LASP1: variants seen among roughly 807,000 people sequenced by gnomAD.
LASP1 encodes LIM and SH3 domain protein 1.
LASP1 carries 10 observed loss-of-function variants against 38.6 expected under a neutral mutation model. The ratio of observed to expected loss-of-function variants is 0.26; its 90% CI spans 0.16 to 0.44. LASP1 has a LOEUF of 0.44. LASP1 is among the 20% of genes least tolerant of loss of function. The pLI, the probability that LASP1 is intolerant of heterozygous loss-of-function variation, is 1.00. For synonymous variants in LASP1, 132 were observed against 140.8 expected, an observed-to-expected ratio of 0.94 and a Z score of 0.44; for missense variants, 243 against 375.7, an observed-to-expected ratio of 0.65 and a Z score of 2.92.
chr17:38,909,333 C>T lies in LASP1; in HGVS notation c.358-4992C>T, dbSNP rs147431787. Among the ~76,000 whole-genome samples, 296 of 152,258 alleles carry T rather than the reference C, an allele frequency of 1.9e-3. 1 individual carries two copies. The highest frequency in any genetic ancestry group is 6.9e-3 in the African/African-American group (285 of 41,548). Reference sequence around the variant, plus strand: ...TCTGGAAAGTGAAGAGGAGGCTGGGCACGGTGGCTCACGGCTGTAATCCCA... The same window carrying T: ...TCTGGAAAGTGAAGAGGAGGCTGGGTACGGTGGCTCACGGCTGTAATCCCA... On this transcript the variant is annotated intron_variant, in intron 4 of 6. Transcript: ENST00000318008.
At chr17:38,877,665 A>G (rs138011130) in intron 1 of LASP1, among the ~76,000 whole-genome samples, 1 of 152,150 alleles carries the variant, frequency 6.6e-6, no homozygotes, top group Non-Finnish European at 1.5e-5. Flanking sequence ...CCTTGGTGCC[A>G]CCAGAGGAGC....
At chr17:38,917,218 C>T (rs1915157092) in intron 6 of LASP1, among the ~76,000 whole-genome samples, 1 of 152,128 alleles carries the variant, frequency 6.6e-6, no homozygotes, top group African/African-American at 2.4e-5. Context: ...GGGAGTGGCT[C>T]AGCCCAAGAT....
At position 38,895,485 on chromosome 17, in the gene LASP1, T is replaced by A. The variant is rs150440302; in HGVS notation, c.250-2927T>A. On this transcript the variant is annotated intron_variant, in intron 3 of 6. Transcript: ENST00000318008. ...ACGCCCACCACGCCCGGCTAACTTT[T>A]TTTGTATTTTTTTTAGTAGAGATGG... Among the ~76,000 whole-genome samples, 1,479 of 152,112 alleles carry A rather than the reference T, an allele frequency of 9.7e-3. 20 individuals are homozygous for A. Among genetic ancestry groups the A allele is most frequent in the African/African-American group, 0.033 (1,385 of 41,484 alleles).
intron 3 of LASP1, among the ~76,000 whole-genome samples, chr17:38,896,255 G>A (rs1914488454): frequency 6.6e-6 from 1 of 151,660 alleles, no homozygotes; most frequent in African/African-American, 2.4e-5. Flanking sequence ...AGGGTCTGAA[G>A]GTGCTTTAAA....
Position 38,876,984 on chromosome 17 carries a change from G to C in LASP1, c.70-1102G>C, listed in dbSNP as rs1913799708. 2.6e-5 allele frequency among the ~76,000 whole-genome samples: 4 copies of C among 152,156 alleles called. No homozygotes were observed. The South Asian group carries it at 8.3e-4, about 32-fold the overall frequency. On this transcript the variant is annotated intron_variant, in intron 1 of 6. Coordinates refer to ENST00000318008, the MANE Select transcript of LASP1 (RefSeq NM_006148.4). ...TCCCAAAGTGCGGGATTACAGGCGT[G>C]AGCCACCGTGCCCGGCCGTGTCCCA...
intron 5 of LASP1, among the ~76,000 whole-genome samples, chr17:38,914,678 ACACAC>A (rs1309448631): frequency 3.3e-4 from 1 of 2,992 alleles, no homozygotes; most frequent in Non-Finnish European, 8.2e-4. Flanking sequence ...CGAGAGACAG[ACACAC>A]ACACACACAC....
chr17:38,914,739 A>T (rs1915064182), intron 5 of LASP1, among the ~76,000 whole-genome samples: 1 of 151,890 alleles, frequency 6.6e-6, no homozygotes, highest in South Asian at 2.1e-4. Context: ...CAGGCGAGGA[A>T]AAGACTGCTT....
chr17:38,897,574 ATTCC>A (rs942768112), intron 3 of LASP1, among the ~76,000 whole-genome samples: 1 of 152,142 alleles, frequency 6.6e-6, no homozygotes, highest in African/African-American at 2.4e-5. Context: ...TCATATTTCA[ATTCC>A]TTTCGTGCCA....
At chr17:38,902,673 C>T (rs1914678030) in intron 4 of LASP1, among the ~76,000 whole-genome samples, 1 of 151,930 alleles carries the variant, frequency 6.6e-6, no homozygotes, top group Non-Finnish European at 1.5e-5. Context: ...CCAAATGACT[C>T]CAGTTACTTT....
rs375155973 is a variant in LASP1, at chr17:38,900,973, G to A, written c.357+2454G>A. ...CAGAGCTCTCGGCTTGGAAAGTGGG[G>A]GAGGGGGAAGATGGTCTTAGATTAT... is the stretch of plus-strand genomic sequence containing the variant. On this transcript the variant is annotated intron_variant, in intron 4 of 6. Coordinates refer to ENST00000318008, the MANE Select transcript of LASP1 (RefSeq NM_006148.4). Among the ~76,000 whole-genome samples, 110 of 152,362 alleles carry A rather than the reference G, an allele frequency of 7.2e-4. 1 individual carries two copies. In the South Asian group the frequency reaches 8.1e-3, roughly 11 times the overall value.
At position 38,915,159 on chromosome 17, in the gene LASP1, G is replaced by C. The variant is rs781091790; in HGVS notation, c.612+13G>C. On this transcript the variant is annotated intron_variant, in intron 6 of 6. Coordinates refer to ENST00000318008, the MANE Select transcript of LASP1 (RefSeq NM_006148.4). Reference sequence around the variant, plus strand: ...AGGTGGTGGCGGGGTGAGTAACCCTGGCCGGAGGGGAGAGGCCAGAGGCAG... The same window carrying C: ...AGGTGGTGGCGGGGTGAGTAACCCTCGCCGGAGGGGAGAGGCCAGAGGCAG... The C allele has an allele frequency of 2.7e-5, 44 of 1,610,770 alleles. No individual in the cohort carries two copies. The highest frequency in any genetic ancestry group is 1.8e-4 in the Admixed American group (11 of 59,948).
At chr17:38,878,244 C>A in intron 2 of LASP1, 64 bp downstream of exon 2, 1 of 1,057,822 alleles carries the variant, frequency 9.5e-7, no homozygotes. Context: ...GTGAGTTCTT[C>A]CTTTCCTTCC....
At chr17:38,912,825 A>C (rs912478379) in intron 4 of LASP1, among the ~76,000 whole-genome samples, 1 of 152,204 alleles carries the variant, frequency 6.6e-6, no homozygotes, top group Non-Finnish European at 1.5e-5. Context: ...TCAGTTGGCT[A>C]AGAGGACTGA....
intron 4 of LASP1, 151 bp from the exon 5 acceptor site, chr17:38,914,174 G>A: frequency 3.4e-6 from 3 of 885,290 alleles, no homozygotes; most frequent in South Asian, 3.4e-5. Flanking sequence ...GCTTGTCCAA[G>A]GACACACAGC....
intron 3 of LASP1, among the ~76,000 whole-genome samples, chr17:38,895,157 T>A (rs927735136): frequency 6.6e-6 from 1 of 151,888 alleles, no homozygotes; most frequent in Non-Finnish European, 1.5e-5. Flanking sequence ...AAATTTTGTA[T>A]TTTTTTAGAG....
rs1233385677 is a variant in LASP1 at position 38,920,645 on chromosome 17, AATTG to A, written c.*1871_*1874del. On this transcript the variant is annotated 3_prime_UTR_variant, in exon 7 of 7. Transcript: ENST00000318008. ...TGGGTGTTTTTGTCAACTGCTTGTT[AATTG>A]ATTTGGGGATGTTTGCCCCGAATGA... The A allele has an allele frequency of 2.1e-5, 5 of 233,732 alleles. No homozygotes were observed. Among genetic ancestry groups the A allele is most frequent in the Admixed American group, 5.6e-5 (1 of 17,874 alleles). The allele number at this position is 233,732 out of a possible 1,614,324, so 14.5% of individuals were successfully genotyped here.
intron 2 of LASP1, 80 bp downstream of exon 2, chr17:38,878,260 C>T: frequency 1.1e-6 from 1 of 918,908 alleles, no homozygotes; most frequent in African/African-American, 1.6e-5. Flanking sequence ...CTTCCAATAA[C>T]CGCAAGGTGA....
intron 1 of LASP1, among the ~76,000 whole-genome samples, chr17:38,875,178 C>T (rs146812639): frequency 6.6e-6 from 1 of 151,870 alleles, no homozygotes; most frequent in Non-Finnish European, 1.5e-5. Flanking sequence ...CAGGCAGGGG[C>T]CTAGGCAGGG....
At chr17:38,893,320 C>A (rs1228191484) in intron 3 of LASP1, among the ~76,000 whole-genome samples, 1 of 152,224 alleles carries the variant, frequency 6.6e-6, no homozygotes, top group Non-Finnish European at 1.5e-5. Context: ...TAGGCCCCAC[C>A]CAAGGGACTT....
Sources: gnomAD v4.1 joint callset for allele counts (sites outside exome capture counted in the v4.1 genomes callset) on GRCh38, gnomAD v4.1.1 for gene constraint, MANE v1.5 for transcripts, NCBI Gene and HGNC (gene_info 2026-07-23, HGNC 2026-07-21) for gene names.